The following BCAS3 variants were observed in gnomAD, a reference collection of about 807,000 sequenced individuals.
BCAS3 encodes the protein BCAS3 microtubule associated cell migration factor.
A neutral mutation model predicts 116.1 loss-of-function variants in BCAS3; 53 were observed. That is an observed-to-expected ratio of 0.46 (90% CI 0.37 to 0.57). The LOEUF is 0.57. Ranked by LOEUF, BCAS3 falls within the 20% of genes least tolerant of loss-of-function variation. The probability of loss-of-function intolerance (pLI) is 0.00; values close to 1 mark genes in which losing one functional copy is unlikely to be tolerated. For missense variants in BCAS3, 917 were observed against 1,165.4 expected (o/e 0.79, Z 3.10); for synonymous variants, 391 against 408.2 (o/e 0.96, Z 0.51).
chr17:61,330,149 G>C (rs1266552059), intron 22 of BCAS3, among the ~76,000 whole-genome samples: 1 of 152,160 alleles, frequency 6.6e-6, no homozygotes, highest in African/African-American at 2.4e-5. Flanking sequence ...TTCATAGGCT[G>C]AGAGAAGGGC....
chr17:60,698,816 G>T (rs1424629876), intron 4 of BCAS3, among the ~76,000 whole-genome samples: 6 of 152,200 alleles, frequency 3.9e-5, no homozygotes, highest in African/African-American at 1.4e-4. Flanking sequence ...AGCACTTTGG[G>T]AGGCTGAGGC....
intron 8 of BCAS3, among the ~76,000 whole-genome samples, chr17:60,870,616 C>T (rs1010934731): frequency 2.0e-5 from 3 of 152,060 alleles, no homozygotes; most frequent in Non-Finnish European, 4.4e-5. Flanking sequence ...CATTGTAACC[C>T]CCCAATAAAA....
In BCAS3 at chr17:60,902,626, C is replaced by A. The variant is rs760825301; in HGVS notation, c.745C>A (p.Arg249=). Residue 249 remains arginine, a synonymous_variant, in exon 11 of 24, where the codon CGA becomes AGA. Transcript: ENST00000407086. Reference sequence around the variant, plus strand: ...CTCTCTCTCTTTTTCTCAGTTGATTCGATGTCATCAGTCCCGTGGTGGAGC... The same window carrying A: ...CTCTCTCTCTTTTTCTCAGTTGATTAGATGTCATCAGTCCCGTGGTGGAGC... ...WLAYAENKLI[R]CHQSRGGACG... The A allele has an allele frequency of 6.2e-7, 1 of 1,607,840 alleles. No individual in the cohort carries two copies. The highest frequency in any genetic ancestry group is 8.5e-7 in the Non-Finnish European group (1 of 1,174,510).
chr17:60,904,841 T>TA (rs1294695259), intron 11 of BCAS3, among the ~76,000 whole-genome samples: 1 of 152,286 alleles, frequency 6.6e-6, no homozygotes, highest in South Asian at 2.1e-4. Context: ...GGGTTATTTT[T>TA]AAAAAACTCA....
chr17:61,346,425 A>G lies in BCAS3; in HGVS notation c.2426-21902A>G, dbSNP rs1286172612. 6.6e-6 allele frequency among the ~76,000 whole-genome samples: 1 copy of G among 152,206 alleles called. No individual in the cohort carries two copies. The highest frequency in any genetic ancestry group is 2.4e-5 in the African/African-American group (1 of 41,454). The stretch of plus-strand genomic sequence containing the variant: ...CAGCTCTGTGGCCTAATACAAAGTC[A>G]CTTTATACCTCAGCTTCTTTCTGAA... On this transcript the variant is annotated intron_variant, in intron 22 of 23. Transcript: ENST00000407086. The surrounding 1 kb of genome is among the most constrained non-coding windows in gnomAD (Gnocchi z 5.4).
intron 5 of BCAS3, 149 bp downstream of exon 5, chr17:60,709,474 C>G (rs931450516): frequency 1.9e-6 from 1 of 515,518 alleles, no homozygotes; most frequent in African/African-American, 2.0e-5. Context: ...ACTGCAACCT[C>G]TGCCTCCCAG....
At chr17:60,755,167 G>A (rs966856913) in intron 6 of BCAS3, among the ~76,000 whole-genome samples, 9 of 152,126 alleles carry the variant, frequency 5.9e-5, no homozygotes, top group African/African-American at 2.2e-4. Flanking sequence ...TTTAGGTATA[G>A]GAAATTGATT....
At chr17:61,167,686 A>G (rs2078595639) in intron 22 of BCAS3, among the ~76,000 whole-genome samples, 1 of 152,202 alleles carries the variant, frequency 6.6e-6, no homozygotes, top group African/African-American at 2.4e-5. Context: ...ATGACACAGA[A>G]GAGCTTTACG....
intron 7 of BCAS3, among the ~76,000 whole-genome samples, chr17:60,823,410 G>A (rs2050122400): frequency 6.6e-6 from 1 of 152,070 alleles, no homozygotes; most frequent in South Asian, 2.1e-4. Flanking sequence ...TTTATAGAGA[G>A]GATTGAGGGC....
intron 10 of BCAS3, among the ~76,000 whole-genome samples, chr17:60,892,236 C>T (rs1297006794): frequency 6.6e-6 from 1 of 151,620 alleles, no homozygotes; most frequent in East Asian, 1.9e-4. Flanking sequence ...TACTCTTTTC[C>T]ATTTACATTC....
At position 61,065,704 on chromosome 17, in the gene BCAS3, T is replaced by C. The variant is rs538332719; in HGVS notation, c.2030-9216T>C. Among the ~76,000 whole-genome samples the C allele has an allele frequency of 6.6e-6, 1 of 152,212 alleles. No individual in the cohort carries two copies. Among genetic ancestry groups the C allele is most frequent in the Admixed American group, 6.5e-5 (1 of 15,286 alleles). On this transcript the variant is annotated intron_variant, in intron 19 of 23. Coordinates refer to ENST00000407086, the MANE Select transcript of BCAS3 (RefSeq NM_017679.5). The surrounding 1 kb of genome is among the most constrained non-coding windows in gnomAD (Gnocchi z 4.8). ...TGTTTGTGGAGGAAGGGTGGGGATA[T>C]GGTAAAGAGTAGGAGAAAACAAAAA... is the stretch of plus-strand genomic sequence containing the variant.
intron 22 of BCAS3, among the ~76,000 whole-genome samples, chr17:61,185,809 A>G (rs981003717): frequency 2.0e-5 from 3 of 152,192 alleles, no homozygotes; most frequent in Admixed American, 6.5e-5. Context: ...GTTACCTTAT[A>G]CAGTTAAACA....
Position 61,323,752 on chromosome 17 carries a change from G to C in BCAS3, c.2426-44575G>C, listed in dbSNP as rs950772505. On this transcript the variant is annotated intron_variant, in intron 22 of 23. Coordinates refer to ENST00000407086, the MANE Select transcript of BCAS3 (RefSeq NM_017679.5). This position sits in a 1 kb window ranked among gnomAD's most constrained non-coding sequence, Gnocchi z 4.6. ...GATTCAGGGACCATTCATCACCGTG[G>C]TGCCTAGTCCCCAGGAGGTCAGTGG... 6.6e-6 allele frequency among the ~76,000 whole-genome samples: 1 copy of C among 152,110 alleles called. No individual in the cohort carries two copies. The highest frequency in any genetic ancestry group is 2.4e-5 in the African/African-American group (1 of 41,414).
rs577656102 is a variant in BCAS3, at chr17:61,077,499, A to G, written c.2131-834A>G. Reference sequence around the variant, plus strand: ...GCCACTGCACTCCAGTCTGGGCAACAGAGCGAGACTCCGTCTCAAAAAAAA... The same window carrying G: ...GCCACTGCACTCCAGTCTGGGCAACGGAGCGAGACTCCGTCTCAAAAAAAA... On this transcript the variant is annotated intron_variant, in intron 20 of 23. Coordinates refer to ENST00000407086, the MANE Select transcript of BCAS3 (RefSeq NM_017679.5). This position sits in a 1 kb window ranked among gnomAD's most constrained non-coding sequence, Gnocchi z 4.3. Among the ~76,000 whole-genome samples the G allele has an allele frequency of 1.1e-3, 167 of 152,324 alleles. 1 individual carries two copies. Among genetic ancestry groups the G allele is most frequent in the Non-Finnish European group, 1.6e-3 (109 of 68,024 alleles).
chr17:61,202,298 G>A (rs2080886432), intron 22 of BCAS3, among the ~76,000 whole-genome samples: 1 of 151,604 alleles, frequency 6.6e-6, no homozygotes, highest in Admixed American at 6.6e-5. Flanking sequence ...AAAAGGTGGT[G>A]ATTTTTCTCC....
At chr17:61,350,753 C>T (rs1239798162) in intron 22 of BCAS3, among the ~76,000 whole-genome samples, 1 of 152,066 alleles carries the variant, frequency 6.6e-6, no homozygotes, top group African/African-American at 2.4e-5. Context: ...CCATCTCAGC[C>T]TCCTGAGTAG....
chr17:60,959,184 G>GTAGTACCACACCTCCT (rs2061293828), intron 14 of BCAS3, among the ~76,000 whole-genome samples: 2 of 152,142 alleles, frequency 1.3e-5, no homozygotes, highest in South Asian at 2.1e-4. Flanking sequence ...GTGCATGTCT[G>GTAGTACCACACCTCCT]TAGTCCCACC....
intron 22 of BCAS3, among the ~76,000 whole-genome samples, chr17:61,295,787 AC>A (rs1227530370): frequency 6.6e-6 from 1 of 150,502 alleles, no homozygotes. Flanking sequence ...CCCCGTCTCT[AC>A]TAAAAAAAAA....
At position 61,088,093 on chromosome 17, in the gene BCAS3, A is replaced by T. The variant is rs1340762064; in HGVS notation, c.2425+3529A>T. Among the ~76,000 whole-genome samples, 43 of 152,304 alleles carry T rather than the reference A, an allele frequency of 2.8e-4. No individual in the cohort carries two copies. The highest frequency in any genetic ancestry group is 2.8e-3 in the Admixed American group (43 of 15,300). On this transcript the variant is annotated intron_variant, in intron 22 of 23. Coordinates refer to ENST00000407086, the MANE Select transcript of BCAS3 (RefSeq NM_017679.5). This position sits in a 1 kb window ranked among gnomAD's most constrained non-coding sequence, Gnocchi z 4.2. ...GCTACTCAGGAGGCTGAGGCACAAG[A>T]ATTGCTTGAACCCGGGAGGCAGAGG...
Sources: allele counts gnomAD v4.1 joint callset (sites outside exome capture counted in the v4.1 genomes callset), GRCh38; gene constraint gnomAD v4.1.1; non-coding constraint Gnocchi (gnomAD v3.1); transcripts MANE v1.5; gene names NCBI Gene and HGNC (gene_info 2026-07-23, HGNC 2026-07-21).